Variants in PARP10 observed in about 807,000 individuals in gnomAD.
The protein encoded by PARP10 is protein mono-ADP-ribosyltransferase PARP10.
PARP10 carries 56 observed loss-of-function variants against 82.4 expected under a neutral mutation model. That is an observed-to-expected ratio of 0.68 (90% CI 0.55 to 0.85). PARP10 has a LOEUF of 0.85. Among genes scored for constraint, PARP10 ranks in the 40% least tolerant of loss-of-function variants. PARP10 has a pLI of 0.00. For synonymous variants in PARP10, 576 were observed against 601.1 expected (o/e 0.96, Z 0.61); for missense variants, 1,227 against 1,379.4 (o/e 0.89, Z 1.75).
rs1490627649 is a variant in PARP10, at chr8:144,008,681, G to C, written c.-80+3849C>G. Among the ~76,000 whole-genome samples, 1 of 152,174 alleles carries C rather than the reference G, an allele frequency of 6.6e-6. No homozygotes were observed. Among genetic ancestry groups the C allele is most frequent in the African/African-American group, 2.4e-5 (1 of 41,432 alleles). On this transcript the variant is annotated intron_variant, in intron 1 of 3. Coordinates refer to the PARP10 transcript ENST00000530478. This position sits in a 1 kb window ranked among gnomAD's most constrained non-coding sequence, Gnocchi z 4.0. ...CAAGAGCTCAGAAGGGCAGGACTGAGAGCAGCATAGAGAGGCCCAGTGTCT... is the reference window on the plus strand; with the variant it reads ...CAAGAGCTCAGAAGGGCAGGACTGACAGCAGCATAGAGAGGCCCAGTGTCT...
At position 143,984,394 on chromosome 8, in the gene PARP10, T is replaced by C. The variant is rs1000954880; in HGVS notation, c.1496A>G (p.Glu499Gly). ...GCTGCCCAGCAGGCTCCGCAGAAAC[T>C]CCTCAGCCGCCTGGCAGGAAGCCTG... ...GAQASCQAAE[E>G]FLRSLLGSIS... The change falls in exon 6 of 11, where the codon GAG becomes GGG. Residue 499 changes from glutamate to glycine, a missense_variant. Transcript: ENST00000313028. The C allele has an allele frequency of 1.9e-6, 3 of 1,611,716 alleles. No individual in the cohort carries two copies. The Admixed American group carries it at 5.0e-5, about 27-fold the overall frequency.
chr8:143,980,969 A>G (rs1833836341), intron 9 of PARP10, among the ~76,000 whole-genome samples: 1 of 152,166 alleles, frequency 6.6e-6, no homozygotes, highest in Non-Finnish European at 1.5e-5. Flanking sequence ...ATGAGGGAGG[A>G]GGCAAAAGAG....
upstream of PARP10, chr8:143,992,402 GC>G: frequency 3.1e-6 from 5 of 1,610,528 alleles, no homozygotes; most frequent in Non-Finnish European, 4.2e-6. Context: ...CTGGGCTGTG[GC>G]CGCAGGGGCT....
chr8:143,994,292 C>G (rs1351963123), upstream of PARP10, among the ~76,000 whole-genome samples: 4 of 151,572 alleles, frequency 2.6e-5, no homozygotes, highest in African/African-American at 7.3e-5. Flanking sequence ...TTCCTGAAAC[C>G]TGCTCCTGCA....
chr8:143,986,598 T>A, upstream of PARP10: 1 of 636,944 alleles, frequency 1.6e-6, no homozygotes, highest in Non-Finnish European at 2.7e-6. Context: ...GCTGGACCCC[T>A]CAGGACCCTC....
upstream of PARP10, chr8:143,992,760 G>A (rs1283969968): frequency 6.2e-7 from 1 of 1,613,996 alleles, no homozygotes; most frequent in South Asian, 1.1e-5. Flanking sequence ...AAGAGTATGT[G>A]TTTGCTGCGC....
rs782031088 is a variant in PARP10, at chr8:143,977,474, G to A, written c.*10C>T. ...CTGGGAAGCAGGAGGCCAGAGGGTGGCCCCTTCGGTTAAGTGTCTGGGGAG... is the reference window on the plus strand; with the variant it reads ...CTGGGAAGCAGGAGGCCAGAGGGTGACCCCTTCGGTTAAGTGTCTGGGGAG... On this transcript the variant is annotated 3_prime_UTR_variant, in exon 11 of 11. Coordinates refer to ENST00000313028, the MANE Select transcript of PARP10 (RefSeq NM_032789.5). The A allele has an allele frequency of 1.0e-5, 16 of 1,533,278 alleles. No homozygotes were observed. The South Asian group carries it at 2.0e-4, about 19-fold the overall frequency. The allele number at this position is 1,533,278 out of a possible 1,614,324, so 95.0% of individuals were successfully genotyped here. A position where few individuals can be genotyped will look rare whatever the true frequency, so the allele number is the denominator to read the frequency against.
In PARP10 at chr8:143,984,405, C is replaced by G; in HGVS notation, c.1485G>C (p.Gln495His). 1 of 1,611,110 alleles carries G rather than the reference C, an allele frequency of 6.2e-7. No individual in the cohort carries two copies. Among genetic ancestry groups the G allele is most frequent in the Non-Finnish European group, 8.5e-7 (1 of 1,179,260 alleles). Residue 495 changes from glutamine (Q) to histidine (H), a missense_variant, in exon 6 of 11, where the codon CAG becomes CAC. Transcript: ENST00000313028. ...GGCTCCGCAGAAACTCCTCAGCCGC[C>G]TGGCAGGAAGCCTGGGCTCCACAGA... ...FRLCGAQASCQAAEEFLRSLL... is the reference protein window; with the variant it reads ...FRLCGAQASCHAAEEFLRSLL...
intron 9 of PARP10, among the ~76,000 whole-genome samples, chr8:143,981,464 AGGT>A (rs1247271002): frequency 3.5e-5 from 2 of 56,576 alleles, no homozygotes; most frequent in Non-Finnish European, 6.4e-5. Flanking sequence ...TGAGTGGTGA[AGGT>A]GGTGGTGATG....
Position 143,984,287 on chromosome 8 carries a change from C to T in PARP10, c.1603G>A (p.Gly535Arg). The T allele has an allele frequency of 1.2e-6, 2 of 1,614,058 alleles. No homozygotes were observed. Among genetic ancestry groups the T allele is most frequent in the Admixed American group, 1.7e-5 (1 of 60,020 alleles). Reference protein sequence around the residue: ...LGPEGQHLLQGLEAQFQCVFG... With the variant: ...LGPEGQHLLQRLEAQFQCVFG... ...ACACACTGGAACTGAGCCTCCAGCC[C>T]CTGGAGAAGGTGCTGCCCTTCTGGG... The change falls in exon 6 of 11, where the codon GGG (glycine) becomes AGG (arginine). Residue 535 changes from glycine to arginine, a missense_variant. By Grantham distance (125) the Gly-to-Arg change is moderately radical. Coordinates refer to ENST00000313028, the MANE Select transcript of PARP10 (RefSeq NM_032789.5).
At position 143,984,403 on chromosome 8, in the gene PARP10, G is replaced by A. The variant is rs377189297; in HGVS notation, c.1487C>T (p.Ala496Val). 73 of 1,610,872 alleles carry A rather than the reference G, an allele frequency of 4.5e-5. No homozygotes were observed. The highest frequency in any genetic ancestry group is 5.5e-5 in the South Asian group (5 of 91,036). Residue 496 changes from alanine (A) to valine (V), a missense_variant, in exon 6 of 11, where the codon GCG becomes GTG. By Grantham distance (64) the Ala-to-Val change is moderately conservative. Transcript: ENST00000313028. ...CAGGCTCCGCAGAAACTCCTCAGCC[G>A]CCTGGCAGGAAGCCTGGGCTCCACA... ...RLCGAQASCQAAEEFLRSLLG... is the reference protein window; with the variant it reads ...RLCGAQASCQVAEEFLRSLLG...
At chr8:144,007,011 G>GC (rs1428751918) in intron 1 of PARP10, among the ~76,000 whole-genome samples, 2 of 151,992 alleles carry the variant, frequency 1.3e-5, no homozygotes, top group South Asian at 4.2e-4. Flanking sequence ...CCTGAATGCC[G>GC]CCCCCCTGCT....
upstream of PARP10, chr8:143,992,149 T>G (rs781947486): frequency 6.2e-7 from 1 of 1,601,938 alleles, no homozygotes; most frequent in Middle Eastern, 1.7e-4. Flanking sequence ...CTTCCGGGCC[T>G]GGTCACCGTG....
chr8:144,000,646 C>T lies in PARP10; in HGVS notation c.-80+11884G>A, dbSNP rs138688259. On this transcript the variant is annotated intron_variant, in intron 1 of 3. Transcript: ENST00000530478. ...CTCCATCTCAAAAACAAACAATAAACTAATACACCTAGTGTAACACTGATA... is the reference window on the plus strand; with the variant it reads ...CTCCATCTCAAAAACAAACAATAAATTAATACACCTAGTGTAACACTGATA... Among the ~76,000 whole-genome samples the T allele has an allele frequency of 3.5e-4, 54 of 152,132 alleles. 3 individuals carry two copies. The East Asian group carries it at 8.7e-3, about 25-fold the overall frequency.
intron 1 of PARP10, among the ~76,000 whole-genome samples, chr8:143,996,593 C>G (rs1434447194): frequency 6.6e-6 from 1 of 152,220 alleles, no homozygotes; most frequent in African/African-American, 2.4e-5. Context: ...AGTCCAGGGC[C>G]TGGCACACCA....
chr8:143,995,514 C>T (rs568353222), upstream of PARP10, among the ~76,000 whole-genome samples: 8 of 152,268 alleles, frequency 5.3e-5, no homozygotes, highest in South Asian at 4.1e-4. Context: ...TGAATCGGCA[C>T]GGGGTGCTCA....
Position 143,983,241 on chromosome 8 carries a change from C to G in PARP10, c.2348G>C (p.Arg783Pro), listed in dbSNP as rs144813673. ...GCCAGCCAGAAGTGCCACCAAGTGGCGGGCAGCACGGGCAGGGTGGGCCCC... is the reference window on the plus strand; with the variant it reads ...GCCAGCCAGAAGTGCCACCAAGTGGGGGGCAGCACGGGCAGGGTGGGCCCC... ...GFGAHPARAA[R>P]HLVALLAGPW... Residue 783 changes from arginine to proline, a missense_variant, in exon 8 of 11, where the codon CGC becomes CCC. Coordinates refer to ENST00000313028, the MANE Select transcript of PARP10 (RefSeq NM_032789.5). 5 of 1,613,150 alleles carry G rather than the reference C, an allele frequency of 3.1e-6. No homozygotes were observed. The highest frequency in any genetic ancestry group is 4.2e-6 in the Non-Finnish European group (5 of 1,179,824).
Position 143,977,937 on chromosome 8 carries a change from C to A in PARP10, c.2701G>T (p.Gly901Cys). 6.2e-7 allele frequency: 1 copy of A among 1,601,156 alleles called. No homozygotes were observed. Among genetic ancestry groups the A allele is most frequent in the Non-Finnish European group, 8.5e-7 (1 of 1,179,464 alleles). ...CGGCCGCAGAAGCTGCGGTTGAAGC[C>A]GTGGGCGCAGATGTCAGGCACTGCC... The part of the protein sequence containing the change: ...APAVPDICAH[G>C]FNRSFCGRNA... The change falls in exon 10 of 11, where the codon GGC becomes TGC. Residue 901 changes from glycine (G) to cysteine (C), a missense_variant. Coordinates refer to ENST00000313028, the MANE Select transcript of PARP10 (RefSeq NM_032789.5).
chr8:144,009,992 A>G (rs185065047), intron 1 of PARP10, among the ~76,000 whole-genome samples: 1 of 152,066 alleles, frequency 6.6e-6, no homozygotes, highest in African/African-American at 2.4e-5. Context: ...CTGTTCCCAC[A>G]TGCCCTTCCC....
Sources: allele counts gnomAD v4.1 joint callset (sites outside exome capture counted in the v4.1 genomes callset), GRCh38; gene constraint gnomAD v4.1.1; non-coding constraint Gnocchi (gnomAD v3.1); transcripts MANE v1.5; gene names NCBI Gene and HGNC (gene_info 2026-07-23, HGNC 2026-07-21).